Variants in TRIQK observed in about 807,000 individuals in gnomAD.
TRIQK encodes the protein triple QxxK/R motif containing.
A neutral mutation model predicts 10.8 loss-of-function variants in TRIQK; 10 were observed. The observed-to-expected ratio is 0.92, with a 90% CI of 0.57 to 1.57. The LOEUF (loss-of-function observed/expected upper bound fraction) is 1.57, where lower values mean the gene tolerates loss of function less well. TRIQK is among the 40% of genes most tolerant of loss of function. The pLI is 0.00. For missense variants in TRIQK, 107 were observed against 97.7 expected, an observed-to-expected ratio of 1.09 and a Z score of -0.40; for synonymous variants, 33 against 33.7, an observed-to-expected ratio of 0.98 and a Z score of 0.07.
intron 1 of TRIQK, among the ~76,000 whole-genome samples, chr8:93,011,287 G>A (rs1813332315): frequency 6.6e-6 from 1 of 151,694 alleles, no homozygotes; most frequent in Admixed American, 6.6e-5. Flanking sequence ...CTAAAAGAGA[G>A]GATTTTGAAT....
chr8:92,967,097 C>T (rs1250778655), upstream of TRIQK, among the ~76,000 whole-genome samples: 1 of 151,328 alleles, frequency 6.6e-6, no homozygotes, highest in Non-Finnish European at 1.5e-5. Flanking sequence ...TTTTATTTTC[C>T]GTCCTCCTAA....
intron 1 of TRIQK, among the ~76,000 whole-genome samples, chr8:92,975,342 A>G (rs1812920483): frequency 6.6e-6 from 1 of 152,186 alleles, no homozygotes; most frequent in Non-Finnish European, 1.5e-5. Flanking sequence ...TTGTGGGAGA[A>G]TTTTTAATAC....
chr8:93,012,493 T>G (rs1813345234), intron 1 of TRIQK, among the ~76,000 whole-genome samples: 1 of 152,106 alleles, frequency 6.6e-6, no homozygotes, highest in African/African-American at 2.4e-5. Flanking sequence ...GGTGTCAAAT[T>G]TGGTCATATT....
intron 2 of TRIQK, among the ~76,000 whole-genome samples, chr8:92,944,093 G>A (rs1366760741): frequency 6.6e-6 from 1 of 151,920 alleles, no homozygotes; most frequent in South Asian, 2.1e-4. Context: ...ACATACAAAT[G>A]GCCAACAGTT....
intron 3 of TRIQK, among the ~76,000 whole-genome samples, chr8:92,898,866 TA>T (rs1808764805): frequency 7.2e-6 from 1 of 139,650 alleles, no homozygotes; most frequent in Non-Finnish European, 1.5e-5. Flanking sequence ...TATATATATA[TA>T]TATATAGATG....
At chr8:92,888,239 G>C (rs1458435523) in intron 4 of TRIQK, among the ~76,000 whole-genome samples, 1 of 151,634 alleles carries the variant, frequency 6.6e-6, no homozygotes, top group African/African-American at 2.4e-5. Flanking sequence ...AATTAAGTTT[G>C]TACTCTTGAT....
chr8:92,912,628 T>C (rs750339371), intron 3 of TRIQK, among the ~76,000 whole-genome samples: 2 of 151,848 alleles, frequency 1.3e-5, no homozygotes, highest in Non-Finnish European at 2.9e-5. Flanking sequence ...ATAAAACTCA[T>C]CACACACGAA....
rs558777052 is a variant in TRIQK, at chr8:93,013,800, C to T, written c.-181+3809G>A. Among the ~76,000 whole-genome samples the T allele has an allele frequency of 6.6e-5, 10 of 152,180 alleles. No individual in the cohort carries two copies. In the South Asian group the frequency reaches 2.1e-3, roughly 32 times the overall value. ...AATAATAATTGCTAGCAGCCCAATT[C>T]TAATAAACAACCCACAATAAGTCAG... On this transcript the variant is annotated intron_variant, in intron 1 of 4. Transcript: ENST00000520686.
intron 1 of TRIQK, among the ~76,000 whole-genome samples, chr8:93,007,142 G>A (rs1225978732): frequency 1.3e-5 from 2 of 152,074 alleles, no homozygotes; most frequent in South Asian, 2.1e-4. Context: ...GATCCCAGAG[G>A]AAGGATCAGG....
At chr8:92,964,615 A>C (rs1035947696) in intron 1 of TRIQK, among the ~76,000 whole-genome samples, 4 of 151,694 alleles carry the variant, frequency 2.6e-5, no homozygotes, top group Admixed American at 2.6e-4. Flanking sequence ...GATTAAAAAA[A>C]AAAAAAATCA....
intron 1 of TRIQK, among the ~76,000 whole-genome samples, chr8:93,016,515 T>C (rs746733729): frequency 2.2e-4 from 34 of 152,224 alleles, no homozygotes; most frequent in Admixed American, 9.8e-4. Context: ...TAAGATTTAA[T>C]GCAAAAAATT....
At chr8:92,965,650 A>T (rs1812703185) in intron 1 of TRIQK, 1 of 152,416 alleles carries the variant, frequency 6.6e-6, no homozygotes, top group Non-Finnish European at 1.5e-5. Flanking sequence ...TAACGTGTCC[A>T]GGGCCCAGCG....
intron 1 of TRIQK, among the ~76,000 whole-genome samples, chr8:93,010,272 T>C (rs1306178484): frequency 6.6e-6 from 1 of 152,126 alleles, no homozygotes; most frequent in Non-Finnish European, 1.5e-5. Flanking sequence ...TTTTGAATGA[T>C]CTCACTACAC....
chr8:92,891,351 T>G (rs1456597978), intron 4 of TRIQK, among the ~76,000 whole-genome samples: 1 of 151,986 alleles, frequency 6.6e-6, no homozygotes, highest in Non-Finnish European at 1.5e-5. Flanking sequence ...AAATTAATTC[T>G]TCTATTAATA....
intron 1 of TRIQK, among the ~76,000 whole-genome samples, chr8:92,964,396 C>A (rs992804249): frequency 6.6e-6 from 1 of 150,714 alleles, no homozygotes; most frequent in East Asian, 1.9e-4. Context: ...GTAAATGACA[C>A]CAAAAAGGTT....
chr8:92,971,570 T>C (rs1401773745), intron 1 of TRIQK, among the ~76,000 whole-genome samples: 1 of 152,128 alleles, frequency 6.6e-6, no homozygotes, highest in Non-Finnish European at 1.5e-5. Context: ...ATAAAATACC[T>C]AGATATACAG....
intron 1 of TRIQK, among the ~76,000 whole-genome samples, chr8:92,985,134 G>A (rs1213469465): frequency 6.6e-6 from 1 of 152,166 alleles, no homozygotes; most frequent in Non-Finnish European, 1.5e-5. Context: ...ATGACACTGT[G>A]ATTGATTTTG....
intron 3 of TRIQK, among the ~76,000 whole-genome samples, chr8:92,909,811 CA>C (rs1809476645): frequency 6.6e-6 from 1 of 151,446 alleles, no homozygotes; most frequent in African/African-American, 2.4e-5. Flanking sequence ...AATTAGTACT[CA>C]AAAAAGTCCA....
intron 3 of TRIQK, among the ~76,000 whole-genome samples, chr8:92,896,308 A>T (rs1563614056): frequency 6.6e-6 from 1 of 152,176 alleles, no homozygotes; most frequent in South Asian, 2.1e-4. Context: ...GATTCTGCAG[A>T]CTTACTGATT....
Sources: allele counts gnomAD v4.1 joint callset (sites outside exome capture counted in the v4.1 genomes callset), GRCh38; gene constraint gnomAD v4.1.1; transcripts MANE v1.5; gene names NCBI Gene and HGNC (gene_info 2026-07-23, HGNC 2026-07-21).